The following CCSER1 variants were observed in gnomAD, a reference collection of about 807,000 sequenced individuals.
The protein encoded by CCSER1 is coiled-coil serine rich protein 1.
In CCSER1, 41 loss-of-function variants were observed where a neutral mutation model predicts 82.0. That is an observed-to-expected ratio of 0.50 (90% CI 0.39 to 0.65). The LOEUF (loss-of-function observed/expected upper bound fraction) is 0.65. Among genes scored for constraint, CCSER1 ranks in the 30% least tolerant of loss-of-function variants. The probability of loss-of-function intolerance (pLI) is 0.00; values close to 1 mark genes in which losing one functional copy is unlikely to be tolerated. For missense variants in CCSER1, 1,119 were observed against 1,064.2 expected, an observed-to-expected ratio of 1.05 and a Z score of -0.72; for synonymous variants, 414 against 383.9, an observed-to-expected ratio of 1.08 and a Z score of -0.92.
chr4:91,005,469 A>G (rs1259970020), intron 9 of CCSER1, among the ~76,000 whole-genome samples: 3 of 152,140 alleles, frequency 2.0e-5, no homozygotes, highest in Admixed American at 2.0e-4. Flanking sequence ...AAGGGAATCA[A>G]TCTTCAGATT....
chr4:91,473,518 G>A lies in CCSER1; in HGVS notation c.2218-125054G>A, dbSNP rs901585740. On this transcript the variant is annotated intron_variant, in intron 10 of 10. Transcript: ENST00000509176. ...ACCATGTTTTAGAAGGACCCTGGAA[G>A]AACAGGGTTTTTGGATTCAACAGAC... 2.6e-5 allele frequency among the ~76,000 whole-genome samples: 4 copies of A among 152,090 alleles called. No individual in the cohort carries two copies. In the East Asian group the frequency reaches 7.7e-4, roughly 29 times the overall value.
chr4:90,400,789 G>C (rs781570621), intron 4 of CCSER1, among the ~76,000 whole-genome samples: 3 of 151,992 alleles, frequency 2.0e-5, no homozygotes, highest in Admixed American at 6.6e-5. Context: ...AGGAATTATT[G>C]GTCGTCCATT....
chr4:91,022,861 AT>A (rs946888729), intron 9 of CCSER1, among the ~76,000 whole-genome samples: 1 of 151,622 alleles, frequency 6.6e-6, no homozygotes, highest in Admixed American at 6.6e-5. Flanking sequence ...GGGGTTGTTT[AT>A]TTTTTTCTTG....
At chr4:91,234,416 A>T (rs1280728617) in intron 10 of CCSER1, among the ~76,000 whole-genome samples, 2 of 152,106 alleles carry the variant, frequency 1.3e-5, no homozygotes, top group Non-Finnish European at 2.9e-5. Context: ...GTCTGAGCAG[A>T]TAGCTCAATT....
At chr4:90,261,279 G>A (rs941814019) in intron 1 of CCSER1, among the ~76,000 whole-genome samples, 1 of 151,528 alleles carries the variant, frequency 6.6e-6, no homozygotes, top group African/African-American at 2.4e-5. Context: ...AGCATTTTTC[G>A]TAGTGCTGGT....
intron 10 of CCSER1, among the ~76,000 whole-genome samples, chr4:91,130,626 T>G (rs544229365): frequency 1.3e-5 from 2 of 152,058 alleles, no homozygotes; most frequent in African/African-American, 4.8e-5. Context: ...AAAATATATT[T>G]GATATATTTG....
chr4:91,523,441 A>G (rs1387194162), intron 10 of CCSER1, among the ~76,000 whole-genome samples: 3 of 152,182 alleles, frequency 2.0e-5, no homozygotes, highest in African/African-American at 7.2e-5. Flanking sequence ...ATAGTTTCAG[A>G]AGGAATGGTA....
chr4:91,479,417 A>G (rs1284573489), intron 10 of CCSER1, among the ~76,000 whole-genome samples: 1 of 151,778 alleles, frequency 6.6e-6, no homozygotes, highest in Non-Finnish European at 1.5e-5. Context: ...TGAAAATAAT[A>G]TTAATGAAAA....
intron 9 of CCSER1, among the ~76,000 whole-genome samples, chr4:90,978,885 C>T (rs1434465175): frequency 1.3e-5 from 2 of 151,636 alleles, no homozygotes; most frequent in African/African-American, 2.4e-5. Context: ...ATACCAGTTT[C>T]CCATTTTGGA....
intron 10 of CCSER1, among the ~76,000 whole-genome samples, chr4:91,557,851 A>G (rs918983565): frequency 1.3e-5 from 2 of 151,398 alleles, no homozygotes; most frequent in Admixed American, 6.6e-5. Flanking sequence ...GTAGTCTCCA[A>G]AGTTTTTAGA....
At chr4:90,269,897 A>G (rs1725946380) in intron 1 of CCSER1, among the ~76,000 whole-genome samples, 1 of 152,076 alleles carries the variant, frequency 6.6e-6, no homozygotes, top group Non-Finnish European at 1.5e-5. Flanking sequence ...TTGAGGAACT[A>G]TATGCTTATA....
At chr4:90,396,955 G>T (rs1752043217) in intron 3 of CCSER1, among the ~76,000 whole-genome samples, 1 of 133,000 alleles carries the variant, frequency 7.5e-6, no homozygotes, top group Admixed American at 7.1e-5. Context: ...GACTGTTGCT[G>T]CTATTGGTGA....
intron 5 of CCSER1, among the ~76,000 whole-genome samples, chr4:90,530,533 TG>T (rs1392318422): frequency 2.0e-5 from 3 of 152,200 alleles, no homozygotes; most frequent in Non-Finnish European, 4.4e-5. Context: ...GCTATCTTTA[TG>T]GGTTTCTTTA....
rs368109569 is a variant in CCSER1 at position 90,309,328 on chromosome 4, G to A, written c.1044G>A (p.Val348=). 15 of 1,613,866 alleles carry A rather than the reference G, an allele frequency of 9.3e-6. No homozygotes were observed. The African/African-American group carries it at 2.0e-4, about 22-fold the overall frequency. Residue 348 remains valine (V), a synonymous_variant, in exon 2 of 11, where the codon GTG becomes GTA. Transcript: ENST00000509176. ...PETSAANQKE[V]LLQIAELPAT... is the part of the protein sequence containing the mutation. ...CCTCTGCTGCTAATCAGAAGGAAGT[G>A]TTATTACAAATTGCTGAACTACCTG...
At chr4:91,361,097 C>CT (rs113916045) in intron 10 of CCSER1, among the ~76,000 whole-genome samples, 36,303 of 151,176 alleles carry the variant, frequency 0.24, 5,306 homozygotes, top group Middle Eastern at 0.41. Flanking sequence ...AGGAAATGGC[C>CT]TTTTTTTTAG....
chr4:91,474,363 T>G (rs1276142204), intron 10 of CCSER1, among the ~76,000 whole-genome samples: 12 of 151,954 alleles, frequency 7.9e-5, no homozygotes, highest in Non-Finnish European at 1.5e-5. Context: ...TTTCTTATAT[T>G]GTGTTACAAT....
At chr4:91,555,659 C>A (rs1762365228) in intron 10 of CCSER1, among the ~76,000 whole-genome samples, 1 of 151,024 alleles carries the variant, frequency 6.6e-6, no homozygotes, top group Non-Finnish European at 1.5e-5. Flanking sequence ...CAAGAACAAA[C>A]TTAAAAGCTA....
intron 9 of CCSER1, among the ~76,000 whole-genome samples, chr4:91,004,176 A>G (rs999554541): frequency 3.9e-4 from 59 of 152,112 alleles, no homozygotes; most frequent in African/African-American, 1.4e-3. Flanking sequence ...GCAAAACGTC[A>G]CAATGTGAGT....
chr4:90,188,550 CTTACATACTAAGTT>C lies in CCSER1; in HGVS notation c.-42+60731_-42+60744del, dbSNP rs1168375811. On this transcript the variant is annotated intron_variant, in intron 1 of 10. Transcript: ENST00000509176. ...TATGTATACCAATTACATACTAAGT[CTTACATACTAAGTT>C]TTACATACTAAATTTACATACTAAG... 7.9e-5 allele frequency among the ~76,000 whole-genome samples: 12 copies of C among 151,814 alleles called. 1 individual carries two copies.
Sources: gnomAD v4.1 joint callset for allele counts (sites outside exome capture counted in the v4.1 genomes callset) on GRCh38, gnomAD v4.1.1 for gene constraint, MANE v1.5 for transcripts, NCBI Gene and HGNC (gene_info 2026-07-23, HGNC 2026-07-21) for gene names.